The following KCTD8 variants were observed in gnomAD, a reference collection of about 807,000 sequenced individuals.
The protein encoded by KCTD8 is potassium channel tetramerization domain containing 8.
Under a neutral mutation model 31.5 loss-of-function variants are expected in KCTD8, and 27 were observed. That is an observed-to-expected ratio of 0.86 (90% confidence interval 0.63 to 1.18). The LOEUF (loss-of-function observed/expected upper bound fraction) is 1.18, where lower values mean the gene tolerates loss of function less well. KCTD8 is among the 50% of genes most tolerant of loss of function. The pLI, the probability that KCTD8 is intolerant of heterozygous loss-of-function variation, is 0.00. For synonymous variants in KCTD8, 290 were observed against 280.0 expected (o/e 1.04, Z -0.36); for missense variants, 658 against 647.7 (o/e 1.02, Z -0.17).
chr4:44,383,468 A>G (rs1178994655), intron 1 of KCTD8, among the ~76,000 whole-genome samples: 1 of 152,088 alleles, frequency 6.6e-6, no homozygotes, highest in Non-Finnish European at 1.5e-5. Flanking sequence ...AGAAACTGAC[A>G]CATAGACCAA....
At chr4:44,351,404 CA>C (rs1223411616) in intron 1 of KCTD8, among the ~76,000 whole-genome samples, 1 of 152,102 alleles carries the variant, frequency 6.6e-6, no homozygotes, top group Non-Finnish European at 1.5e-5. Context: ...AGTACCCAAA[CA>C]AACCCATTTA....
intron 1 of KCTD8, among the ~76,000 whole-genome samples, chr4:44,417,110 T>C (rs551651707): frequency 3.3e-5 from 5 of 152,236 alleles, no homozygotes; most frequent in Non-Finnish European, 7.3e-5. Context: ...GTTGAATCCC[T>C]GTGTGTCTGA....
intron 1 of KCTD8, among the ~76,000 whole-genome samples, chr4:44,271,476 G>T (rs1206554085): frequency 6.6e-6 from 1 of 152,038 alleles, no homozygotes; most frequent in Non-Finnish European, 1.5e-5. Flanking sequence ...TGACTGCTGG[G>T]GATAGGCCCC....
intron 1 of KCTD8, among the ~76,000 whole-genome samples, chr4:44,194,916 T>C (rs1713893035): frequency 6.7e-6 from 1 of 149,270 alleles, no homozygotes; most frequent in Non-Finnish European, 1.5e-5. Context: ...AGTGCAATAG[T>C]GCAATCTTGG....
chr4:44,405,336 C>A (rs1353656587), intron 1 of KCTD8, among the ~76,000 whole-genome samples: 3 of 152,122 alleles, frequency 2.0e-5, no homozygotes, highest in Non-Finnish European at 4.4e-5. Flanking sequence ...CAGCTCACTG[C>A]AATCTTGGCC....
intron 1 of KCTD8, among the ~76,000 whole-genome samples, chr4:44,238,331 G>C (rs1341415797): frequency 6.6e-6 from 1 of 151,840 alleles, no homozygotes; most frequent in African/African-American, 2.4e-5. Context: ...CTCTCTTTCT[G>C]TCTCTCTCTC....
At chr4:44,367,110 C>T (rs1719657766) in intron 1 of KCTD8, among the ~76,000 whole-genome samples, 1 of 152,120 alleles carries the variant, frequency 6.6e-6, no homozygotes, top group African/African-American at 2.4e-5. Context: ...GGGCTCTTCA[C>T]GCAGGCTGTT....
At chr4:44,358,567 CTTT>C (rs113573085) in intron 1 of KCTD8, among the ~76,000 whole-genome samples, 1 of 147,594 alleles carries the variant, frequency 6.8e-6, no homozygotes, top group Non-Finnish European at 1.5e-5. Context: ...TGTTTCCTGA[CTTT>C]TTTTTTTTTC....
chr4:44,410,463 G>A (rs1348118644), intron 1 of KCTD8, among the ~76,000 whole-genome samples: 1 of 152,158 alleles, frequency 6.6e-6, no homozygotes, highest in African/African-American at 2.4e-5. Flanking sequence ...TACTTGGGAA[G>A]ATTGAAGCAG....
At chr4:44,390,261 G>A (rs1195092634) in intron 1 of KCTD8, among the ~76,000 whole-genome samples, 2 of 151,822 alleles carry the variant, frequency 1.3e-5, no homozygotes, top group African/African-American at 4.8e-5. Context: ...GAACTTTTAT[G>A]GTTTCAGTTC....
In KCTD8 at chr4:44,406,909, T is replaced by C. The variant is rs1411584815; in HGVS notation, c.961+40654A>G. Among the ~76,000 whole-genome samples, 4 of 152,234 alleles carry C rather than the reference T, an allele frequency of 2.6e-5. No homozygotes were observed. The East Asian group carries it at 7.7e-4, about 29-fold the overall frequency. ...AACTTCAAATCGGATATGTACATCT[T>C]TGAATTAAGCATAACTAAATAAATA... On this transcript the variant is annotated intron_variant, in intron 1 of 1. Coordinates refer to ENST00000360029, the MANE Select transcript of KCTD8 (RefSeq NM_198353.3).
At chr4:44,182,259 C>G (rs1391158061) in intron 1 of KCTD8, among the ~76,000 whole-genome samples, 5 of 152,240 alleles carry the variant, frequency 3.3e-5, no homozygotes, top group Admixed American at 3.3e-4. Context: ...AGGAGCCCCT[C>G]TGCCCGGCCA....
chr4:44,225,497 A>G (rs1714930788), intron 1 of KCTD8, among the ~76,000 whole-genome samples: 1 of 152,208 alleles, frequency 6.6e-6, no homozygotes, highest in Non-Finnish European at 1.5e-5. Context: ...TAAGCCTGAA[A>G]TATTTTTATT....
intron 1 of KCTD8, among the ~76,000 whole-genome samples, chr4:44,290,010 CAT>C (rs1717222873): frequency 6.6e-6 from 1 of 152,050 alleles, no homozygotes; most frequent in Admixed American, 6.6e-5. Flanking sequence ...AATAAAAAGG[CAT>C]AGAGTGGGAA....
chr4:44,307,618 T>C (rs1717839944), intron 1 of KCTD8, among the ~76,000 whole-genome samples: 1 of 152,020 alleles, frequency 6.6e-6, no homozygotes, highest in East Asian at 1.9e-4. Context: ...GTAGATTTGG[T>C]CATAAAACAC....
chr4:44,312,552 G>C (rs1220636405), intron 1 of KCTD8, among the ~76,000 whole-genome samples: 1 of 152,012 alleles, frequency 6.6e-6, no homozygotes, highest in African/African-American at 2.4e-5. Context: ...TATGAATACA[G>C]AACTAACTTC....
At chr4:44,334,916 C>A (rs1049916502) in intron 1 of KCTD8, among the ~76,000 whole-genome samples, 4 of 152,060 alleles carry the variant, frequency 2.6e-5, no homozygotes, top group African/African-American at 9.7e-5. Context: ...TGAAAGTAAC[C>A]TCTCAACATT....
chr4:44,397,925 C>T (rs1397973974), intron 1 of KCTD8, among the ~76,000 whole-genome samples: 3 of 152,064 alleles, frequency 2.0e-5, no homozygotes, highest in Non-Finnish European at 4.4e-5. Context: ...CAATGAATTA[C>T]AGTTAAATTT....
intron 1 of KCTD8, among the ~76,000 whole-genome samples, chr4:44,436,254 T>C (rs528151491): frequency 7.9e-5 from 12 of 152,130 alleles, no homozygotes; most frequent in Admixed American, 3.9e-4. Context: ...AAAATATTGG[T>C]ACAGAAGAAC....
Sources: gnomAD v4.1 joint callset for allele counts (sites outside exome capture counted in the v4.1 genomes callset) on GRCh38, gnomAD v4.1.1 for gene constraint, MANE v1.5 for transcripts, NCBI Gene and HGNC (gene_info 2026-07-23, HGNC 2026-07-21) for gene names.